CTNNA2: variants seen among roughly 807,000 people sequenced by gnomAD.
CTNNA2 encodes catenin alpha 2.
Under a neutral mutation model 101.0 loss-of-function variants are expected in CTNNA2, and 42 were observed. The observed-to-expected ratio is 0.42, with a 90% CI of 0.32 to 0.54. CTNNA2 has a LOEUF of 0.54. CTNNA2 is among the 20% of genes least tolerant of loss of function. The pLI, the probability that CTNNA2 is intolerant of heterozygous loss-of-function variation, is 0.14. For synonymous variants in CTNNA2, 450 were observed against 456.4 expected, an observed-to-expected ratio of 0.99 and a Z score of 0.18; for missense variants, 871 against 1,223.1, an observed-to-expected ratio of 0.71 and a Z score of 4.29.
chr2:79,517,913 A>G (rs1214081156), intron 1 of CTNNA2, among the ~76,000 whole-genome samples: 1 of 152,154 alleles, frequency 6.6e-6, no homozygotes, highest in Non-Finnish European at 1.5e-5. Context: ...TTGCATTAAC[A>G]GGAGTGAAAA....
intron 3 of CTNNA2, among the ~76,000 whole-genome samples, chr2:79,356,726 A>G (rs1247056593): frequency 6.6e-6 from 1 of 152,218 alleles, no homozygotes; most frequent in African/African-American, 2.4e-5. Context: ...TCCACCATCT[A>G]GAACAATATA....
At chr2:80,084,439 G>T (rs1248283527) in intron 7 of CTNNA2, among the ~76,000 whole-genome samples, 1 of 151,918 alleles carries the variant, frequency 6.6e-6, no homozygotes, top group East Asian at 1.9e-4. Context: ...ATCTTTAATT[G>T]ACTCCAAATC....
chr2:79,344,859 A>T (rs1558637431), intron 3 of CTNNA2, among the ~76,000 whole-genome samples: 1 of 144,912 alleles, frequency 6.9e-6, no homozygotes, highest in African/African-American at 2.5e-5. Context: ...TATATATATA[A>T]TATATTATAT....
intron 2 of CTNNA2, among the ~76,000 whole-genome samples, chr2:79,717,996 T>G (rs1221881214): frequency 1.3e-5 from 2 of 151,366 alleles, no homozygotes; most frequent in Non-Finnish European, 2.9e-5. Context: ...CTCCCAGGAC[T>G]GAGATTTCCT....
chr2:80,138,682 G>A (rs1702829676), intron 7 of CTNNA2, among the ~76,000 whole-genome samples: 1 of 152,030 alleles, frequency 6.6e-6, no homozygotes, highest in Non-Finnish European at 1.5e-5. Flanking sequence ...GTTTCATCCT[G>A]GGACCATCTG....
At chr2:79,396,443 A>T (rs1412848931) in intron 4 of CTNNA2, among the ~76,000 whole-genome samples, 2 of 151,954 alleles carry the variant, frequency 1.3e-5, no homozygotes, top group Non-Finnish European at 2.9e-5. Flanking sequence ...ACAAGCATTG[A>T]ATTTTTCTTT....
intron 7 of CTNNA2, among the ~76,000 whole-genome samples, chr2:80,203,522 T>C (rs1573380819): frequency 6.6e-6 from 1 of 152,336 alleles, no homozygotes; most frequent in East Asian, 1.9e-4. Context: ...AAATGATCTC[T>C]TTTGACTCCA....
At chr2:79,507,020 C>T (rs1449055587) in intron 5 of CTNNA2, among the ~76,000 whole-genome samples, 2 of 152,134 alleles carry the variant, frequency 1.3e-5, no homozygotes, top group African/African-American at 2.4e-5. Context: ...CTTGTATAAA[C>T]AGAGCTATCA....
intron 9 of CTNNA2, among the ~76,000 whole-genome samples, chr2:80,544,272 A>G (rs1691843250): frequency 6.6e-6 from 1 of 151,988 alleles, no homozygotes; most frequent in African/African-American, 2.4e-5. Flanking sequence ...AAAAGAAGAC[A>G]TTCAAATTTG....
At chr2:80,456,270 C>A (rs1460511130) in intron 9 of CTNNA2, among the ~76,000 whole-genome samples, 1 of 152,152 alleles carries the variant, frequency 6.6e-6, no homozygotes, top group Non-Finnish European at 1.5e-5. Context: ...TTGGAAGCCT[C>A]TTCTTTCTGT....
intron 7 of CTNNA2, among the ~76,000 whole-genome samples, chr2:80,014,580 C>A (rs928632374): frequency 6.6e-6 from 1 of 152,248 alleles, no homozygotes; most frequent in Middle Eastern, 3.4e-3. Flanking sequence ...AGACTCCATG[C>A]CAACAACCAA....
intron 9 of CTNNA2, among the ~76,000 whole-genome samples, chr2:80,477,933 T>C (rs373941352): frequency 6.6e-6 from 1 of 152,156 alleles, no homozygotes; most frequent in East Asian, 1.9e-4. Flanking sequence ...CTGGATTGAA[T>C]AGTAGATCTA....
chr2:80,270,324 TA>T (rs2149137907), intron 7 of CTNNA2, among the ~76,000 whole-genome samples: 1 of 152,270 alleles, frequency 6.6e-6, no homozygotes, highest in African/African-American at 2.4e-5. Context: ...TTTTGTAACT[TA>T]AAAACAGCCT....
intron 1 of CTNNA2, among the ~76,000 whole-genome samples, chr2:79,624,053 T>G (rs1205511141): frequency 6.6e-6 from 1 of 152,098 alleles, no homozygotes; most frequent in East Asian, 1.9e-4. Context: ...CCCACTTCTC[T>G]TTCCCTCCCT....
At chr2:80,167,051 G>C (rs1704744652) in intron 7 of CTNNA2, among the ~76,000 whole-genome samples, 1 of 151,698 alleles carries the variant, frequency 6.6e-6, no homozygotes, top group South Asian at 2.1e-4. Context: ...TCTTACACTT[G>C]TTTTATACAT....
chr2:79,463,208 T>C (rs1234613149), intron 4 of CTNNA2, among the ~76,000 whole-genome samples: 1 of 152,022 alleles, frequency 6.6e-6, no homozygotes, highest in African/African-American at 2.4e-5. Context: ...GGTCAGGAGA[T>C]TGAAACCAGC....
chr2:79,287,856 A>G (rs936664519), intron 2 of CTNNA2, among the ~76,000 whole-genome samples: 3 of 152,174 alleles, frequency 2.0e-5, no homozygotes, highest in Admixed American at 6.5e-5. Flanking sequence ...CCTCGCTGCC[A>G]CCTTGCAGTT....
chr2:80,619,022 C>CTTT (rs56987036), intron 17 of CTNNA2, 63 bp from the exon 18 acceptor site: 438 of 887,932 alleles, frequency 4.9e-4, no homozygotes, highest in Middle Eastern at 1.2e-3. Context: ...AAGTAGGGTA[C>CTTT]TTTTTTTTTT....
At chr2:80,381,092 C>A (rs777857160) in intron 7 of CTNNA2, among the ~76,000 whole-genome samples, 1 of 151,966 alleles carries the variant, frequency 6.6e-6, no homozygotes, top group Admixed American at 6.6e-5. Context: ...TCAGTGAGGT[C>A]CCTGATTCAC....
Sources: gnomAD v4.1 joint callset for allele counts (sites outside exome capture counted in the v4.1 genomes callset) on GRCh38, gnomAD v4.1.1 for gene constraint, MANE v1.5 for transcripts, NCBI Gene and HGNC (gene_info 2026-07-23, HGNC 2026-07-21) for gene names.